SNX8: variants seen among roughly 807,000 people sequenced by gnomAD.
The protein encoded by SNX8 is sorting nexin 8, also known as sorting nexin-8.
A neutral mutation model predicts 51.6 loss-of-function variants in SNX8; 25 were observed. The ratio of observed to expected loss-of-function variants is 0.48; its 90% CI spans 0.35 to 0.68. SNX8 has a LOEUF of 0.68. Among genes scored for constraint, SNX8 ranks in the 30% least tolerant of loss-of-function variants. The probability of loss-of-function intolerance (pLI) is 0.00; values close to 1 mark genes in which losing one functional copy is unlikely to be tolerated. For missense variants in SNX8, 695 were observed against 624.0 expected (o/e 1.11, Z -1.21); for synonymous variants, 324 against 277.0 (o/e 1.17, Z -1.68).
intron 1 of SNX8, among the ~76,000 whole-genome samples, chr7:2,352,285 G>C (rs1376622771): frequency 6.6e-6 from 1 of 151,982 alleles, no homozygotes; most frequent in Admixed American, 6.6e-5. Context: ...ACTTCATCTT[G>C]ATTACATCTG....
At chr7:2,280,857 A>C (rs556670492) in intron 1 of SNX8, among the ~76,000 whole-genome samples, 7 of 151,674 alleles carry the variant, frequency 4.6e-5, no homozygotes, top group African/African-American at 1.5e-4. Flanking sequence ...CAATGGCACA[A>C]TCTTGGCTCA....
At chr7:2,298,690 GTTTTTT>G (rs1459039649) in intron 1 of SNX8, among the ~76,000 whole-genome samples, 11 of 150,700 alleles carry the variant, frequency 7.3e-5, no homozygotes, top group Non-Finnish European at 1.6e-4. Flanking sequence ...TTTTGTTTTT[GTTTTTT>G]GTTTTTTGTT....
At chr7:2,286,509 G>A (rs1441696914) in intron 1 of SNX8, among the ~76,000 whole-genome samples, 6 of 146,564 alleles carry the variant, frequency 4.1e-5, no homozygotes, top group Middle Eastern at 3.2e-3. Context: ...TGTGCCATAC[G>A]GGCTATTTTA....
intron 1 of SNX8, among the ~76,000 whole-genome samples, chr7:2,311,793 C>T (rs539795581): frequency 5.3e-5 from 8 of 151,966 alleles, no homozygotes; most frequent in Non-Finnish European, 1.0e-4. Flanking sequence ...AAAAATTAGC[C>T]GGGCGTGGTG....
intron 1 of SNX8, among the ~76,000 whole-genome samples, chr7:2,293,572 G>C (rs757410546): frequency 5.3e-5 from 8 of 150,938 alleles, no homozygotes; most frequent in Non-Finnish European, 7.4e-5. Context: ...TGAAGCAGGA[G>C]AATCGCTTGA....
chr7:2,263,885 T>C (rs1426672353), intron 6 of SNX8, among the ~76,000 whole-genome samples: 1 of 152,072 alleles, frequency 6.6e-6, no homozygotes, highest in Non-Finnish European at 1.5e-5. Context: ...GAGAACTTTT[T>C]TTTGTATTTT....
At chr7:2,311,381 GT>G (rs1343100296) in intron 1 of SNX8, among the ~76,000 whole-genome samples, 2 of 152,178 alleles carry the variant, frequency 1.3e-5, no homozygotes, top group African/African-American at 2.4e-5. Context: ...TGCTGTTTTT[GT>G]TTTTGTTTTC....
chr7:2,289,532 T>G (rs147794245), intron 1 of SNX8, among the ~76,000 whole-genome samples: 102 of 152,240 alleles, frequency 6.7e-4, no homozygotes, highest in African/African-American at 2.4e-3. Flanking sequence ...ATCCATTAGT[T>G]CACTGTTCCA....
intron 1 of SNX8, among the ~76,000 whole-genome samples, chr7:2,289,700 G>A (rs969507409): frequency 6.6e-6 from 1 of 151,990 alleles, no homozygotes; most frequent in Non-Finnish European, 1.5e-5. Context: ...ACATAGTTTC[G>A]GAAGAAAAGT....
In SNX8 at chr7:2,289,079, G is replaced by A. The variant is rs185307512; in HGVS notation, c.95-10774C>T. ...ACCACGGTCGAAAGTCAGTTCCTTT[G>A]TTCCTGACGTCTTTCCCTCAGCATC... On this transcript the variant is annotated intron_variant, in intron 1 of 10. Transcript: ENST00000222990. 3.5e-3 allele frequency among the ~76,000 whole-genome samples: 537 copies of A among 152,244 alleles called. 5 individuals are homozygous for A. Among genetic ancestry groups the A allele is most frequent in the African/African-American group, 0.013 (525 of 41,554 alleles).
At chr7:2,330,295 G>A (rs1451732351) in intron 1 of SNX8, among the ~76,000 whole-genome samples, 6 of 149,992 alleles carry the variant, frequency 4.0e-5, no homozygotes, top group Admixed American at 2.0e-4. Context: ...CCGCCACCAC[G>A]TCCAGATAAT....
At chr7:2,287,649 A>T (rs1161870599) in intron 1 of SNX8, among the ~76,000 whole-genome samples, 1 of 151,966 alleles carries the variant, frequency 6.6e-6, no homozygotes. Flanking sequence ...TACTTGGGAG[A>T]CTGAGGCAGG....
At chr7:2,286,710 G>C (rs1015013210) in intron 1 of SNX8, among the ~76,000 whole-genome samples, 1 of 151,148 alleles carries the variant, frequency 6.6e-6, no homozygotes, top group Non-Finnish European at 1.5e-5. Flanking sequence ...AGTAGAGATG[G>C]GGTTTCACCA....
intron 7 of SNX8, 95 bp downstream of exon 7, chr7:2,263,135 A>G: frequency 7.0e-7 from 1 of 1,431,778 alleles, no homozygotes; most frequent in Non-Finnish European, 9.5e-7. Flanking sequence ...CAAAACAAAA[A>G]CGAACTGTGA....
At chr7:2,330,072 C>G (rs1359766926) in intron 1 of SNX8, among the ~76,000 whole-genome samples, 1 of 150,306 alleles carries the variant, frequency 6.7e-6, no homozygotes, top group African/African-American at 2.4e-5. Context: ...CTCAAGTGAT[C>G]AGACCACCTC....
chr7:2,284,585 T>C (rs1018206297), intron 1 of SNX8, among the ~76,000 whole-genome samples: 2 of 151,480 alleles, frequency 1.3e-5, no homozygotes, highest in African/African-American at 4.8e-5. Context: ...TTTGTGTTTT[T>C]AGTAGAGACA....
At chr7:2,311,853 C>T (rs1796663975) in intron 1 of SNX8, among the ~76,000 whole-genome samples, 1 of 151,640 alleles carries the variant, frequency 6.6e-6, no homozygotes, top group South Asian at 2.1e-4. Flanking sequence ...AGGAGAATGG[C>T]ATGAACCCGG....
rs531259954 is a variant in SNX8, at chr7:2,312,777, C to G, written c.94+1551G>C. On this transcript the variant is annotated intron_variant, in intron 1 of 10. Coordinates refer to ENST00000222990, the MANE Select transcript of SNX8 (RefSeq NM_013321.4). ...TTGTCCCCCCCCACCAAGAAGAAAC[C>G]GTAACTCACACCAACACCCACCTAC... Among the ~76,000 whole-genome samples the G allele has an allele frequency of 3.4e-3, 522 of 152,026 alleles. 1 individual carries two copies. The highest frequency in any genetic ancestry group is 5.5e-3 in the Non-Finnish European group (372 of 68,016).
chr7:2,257,862 G>A (rs1477656385), intron 7 of SNX8, 59 bp from the exon 8 acceptor site: 2 of 1,529,906 alleles, frequency 1.3e-6, no homozygotes, highest in Non-Finnish European at 1.8e-6. Context: ...TCCCTGCCCG[G>A]GAACTCAGAC....
Sources: gnomAD v4.1 joint callset for allele counts (sites outside exome capture counted in the v4.1 genomes callset) on GRCh38, gnomAD v4.1.1 for gene constraint, MANE v1.5 for transcripts, NCBI Gene and HGNC (gene_info 2026-07-23, HGNC 2026-07-21) for gene names.